Variants in CAMK1D observed in about 807,000 individuals in gnomAD.
CAMK1D encodes the protein calcium/calmodulin dependent protein kinase ID.
In CAMK1D, 9 loss-of-function variants were observed where a neutral mutation model predicts 47.7. The observed-to-expected ratio is 0.19, with a 90% CI of 0.11 to 0.33. The LOEUF (loss-of-function observed/expected upper bound fraction) is 0.33. Ranked by LOEUF, CAMK1D falls within the 10% of genes least tolerant of loss-of-function variation. The probability of loss-of-function intolerance (pLI) is 1.00; values close to 1 mark genes in which losing one functional copy is unlikely to be tolerated. For missense variants in CAMK1D, 291 were observed against 488.7 expected (o/e 0.60, Z 3.81); for synonymous variants, 184 against 184.9 (o/e 0.99, Z 0.04).
chr10:12,451,617 G>A (rs1287912255), intron 1 of CAMK1D, among the ~76,000 whole-genome samples: 1 of 152,184 alleles, frequency 6.6e-6, no homozygotes, highest in Non-Finnish European at 1.5e-5. Flanking sequence ...AATATTAATT[G>A]TCATTCATAT....
chr10:12,535,201 G>A (rs1334251936), intron 1 of CAMK1D, among the ~76,000 whole-genome samples: 1 of 152,120 alleles, frequency 6.6e-6, no homozygotes, highest in East Asian at 1.9e-4. Context: ...CCCACCGCAG[G>A]GTCCTTTGCA....
At chr10:12,569,848 A>T (rs1476527994) in intron 2 of CAMK1D, among the ~76,000 whole-genome samples, 3 of 151,838 alleles carry the variant, frequency 2.0e-5, no homozygotes, top group Non-Finnish European at 4.4e-5. Flanking sequence ...ACTTAAGTGG[A>T]TGTGGCAGTG....
intron 1 of CAMK1D, among the ~76,000 whole-genome samples, chr10:12,497,493 A>T (rs917858540): frequency 6.6e-6 from 1 of 152,034 alleles, no homozygotes; most frequent in Admixed American, 6.6e-5. Flanking sequence ...AAAAAAAAAA[A>T]AAAAGTTGTA....
chr10:12,659,775 A>G (rs758405485), intron 2 of CAMK1D, among the ~76,000 whole-genome samples: 10 of 152,218 alleles, frequency 6.6e-5, no homozygotes, highest in Non-Finnish European at 1.3e-4. Context: ...TTTTGTGTGA[A>G]TAAAATTTCA....
chr10:12,669,680 A>C (rs1840548223), intron 3 of CAMK1D, among the ~76,000 whole-genome samples: 1 of 152,154 alleles, frequency 6.6e-6, no homozygotes, highest in Non-Finnish European at 1.5e-5. Flanking sequence ...CGACCCCTTC[A>C]AAGTCTTCTC....
chr10:12,541,886 C>CCTTCCTTCCTT, intron 1 of CAMK1D, among the ~76,000 whole-genome samples: 1 of 131,514 alleles, frequency 7.6e-6, no homozygotes, highest in Non-Finnish European at 1.6e-5. Context: ...TTCCTTCCTT[C>CCTTCCTTCCTT]CTTTTTTTTT....
intron 3 of CAMK1D, among the ~76,000 whole-genome samples, chr10:12,714,075 C>G (rs965188561): frequency 6.6e-6 from 1 of 152,198 alleles, no homozygotes; most frequent in Non-Finnish European, 1.5e-5. Flanking sequence ...TAAGGACATC[C>G]CTGCCACAGC....
At chr10:12,545,396 G>A (rs1412504255) in intron 1 of CAMK1D, among the ~76,000 whole-genome samples, 4 of 146,222 alleles carry the variant, frequency 2.7e-5, no homozygotes, top group Non-Finnish European at 4.5e-5. Flanking sequence ...GTTGCAGTGA[G>A]CTAGATGACG....
At chr10:12,627,849 G>A (rs1263968821) in intron 2 of CAMK1D, among the ~76,000 whole-genome samples, 1 of 152,158 alleles carries the variant, frequency 6.6e-6, no homozygotes, top group Non-Finnish European at 1.5e-5. Flanking sequence ...GGAGGCCGAG[G>A]CAGGCAGATC....
chr10:12,780,181 C>T (rs371504155), intron 5 of CAMK1D, among the ~76,000 whole-genome samples: 11 of 151,826 alleles, frequency 7.2e-5, no homozygotes, highest in African/African-American at 2.4e-4. Context: ...TGATGTGGGG[C>T]GTGGGATTAT....
intron 3 of CAMK1D, among the ~76,000 whole-genome samples, chr10:12,691,371 A>G (rs866593223): frequency 1.4e-4 from 1 of 6,988 alleles, no homozygotes; most frequent in African/African-American, 5.1e-4. Context: ...ATATATATAT[A>G]TATATAAATA....
intron 3 of CAMK1D, among the ~76,000 whole-genome samples, chr10:12,675,030 CAAAAA>C (rs771350871): frequency 1.9e-5 from 1 of 53,240 alleles, no homozygotes. Context: ...GACTCCATCT[CAAAAA>C]AAAAAAAAAA....
chr10:12,525,105 A>C (rs888575968), intron 1 of CAMK1D, among the ~76,000 whole-genome samples: 13 of 151,998 alleles, frequency 8.6e-5, no homozygotes, highest in African/African-American at 3.1e-4. Flanking sequence ...TTCTCGTCAC[A>C]TTTTCCTGTA....
intron 1 of CAMK1D, among the ~76,000 whole-genome samples, chr10:12,452,729 G>A (rs574765796): frequency 2.6e-5 from 4 of 152,086 alleles, no homozygotes; most frequent in African/African-American, 9.6e-5. Context: ...GGGATTACAG[G>A]TATGCACCAC....
chr10:12,562,471 C>A (rs1236441090), intron 2 of CAMK1D, among the ~76,000 whole-genome samples: 4 of 152,166 alleles, frequency 2.6e-5, no homozygotes, highest in African/African-American at 9.7e-5. Context: ...ATTTAAATGC[C>A]TGTCTGATAG....
intron 6 of CAMK1D, among the ~76,000 whole-genome samples, chr10:12,801,351 A>G (rs1251010925): frequency 1.0e-5 from 1 of 98,182 alleles, no homozygotes; most frequent in Non-Finnish European, 1.9e-5. Context: ...CTATCTATCT[A>G]TCTTATCTAT....
intron 2 of CAMK1D, among the ~76,000 whole-genome samples, chr10:12,595,171 G>A (rs140595854): frequency 0.033 from 5,024 of 151,440 alleles, 125 homozygotes; most frequent in Middle Eastern, 0.069. Context: ...GTGAAACTCC[G>A]TCTCTACTAA....
intron 3 of CAMK1D, among the ~76,000 whole-genome samples, chr10:12,693,842 C>G (rs1564497406): frequency 7.2e-6 from 1 of 138,484 alleles, no homozygotes; most frequent in Non-Finnish European, 1.5e-5. Flanking sequence ...AAGATTGCAC[C>G]ATGGCACTCT....
At chr10:12,671,719 T>A (rs1840624946) in intron 3 of CAMK1D, among the ~76,000 whole-genome samples, 1 of 151,968 alleles carries the variant, frequency 6.6e-6, no homozygotes, top group Non-Finnish European at 1.5e-5. Context: ...AAGACTGCTT[T>A]ATATATTTTA....
Sources: allele counts gnomAD v4.1 joint callset (sites outside exome capture counted in the v4.1 genomes callset), GRCh38; gene constraint gnomAD v4.1.1; transcripts MANE v1.5; gene names NCBI Gene and HGNC (gene_info 2026-07-23, HGNC 2026-07-21).